DPP10: variants seen among roughly 807,000 people sequenced by gnomAD.
DPP10 encodes dipeptidyl peptidase like 10.
In DPP10, 33 loss-of-function variants were observed where a neutral mutation model predicts 120.9. That is an observed-to-expected ratio of 0.27 (90% confidence interval 0.21 to 0.37). DPP10 has a LOEUF of 0.37. Among genes scored for constraint, DPP10 ranks in the 10% least tolerant of loss-of-function variants. The pLI is 1.00. For synonymous variants in DPP10, 337 were observed against 326.1 expected (o/e 1.03, Z -0.36); for missense variants, 816 against 942.8 (o/e 0.87, Z 1.76).
intron 5 of DPP10, among the ~76,000 whole-genome samples, chr2:115,545,947 C>T (rs1388175736): frequency 6.6e-6 from 1 of 152,032 alleles, no homozygotes; most frequent in Non-Finnish European, 1.5e-5. Flanking sequence ...TGTTTTCATC[C>T]TTGATGCTCA....
intron 5 of DPP10, among the ~76,000 whole-genome samples, chr2:115,614,034 G>A (rs897498155): frequency 6.6e-6 from 1 of 152,132 alleles, no homozygotes; most frequent in African/African-American, 2.4e-5. Flanking sequence ...TGCTGATGGA[G>A]AGATCCAAAA....
intron 1 of DPP10, among the ~76,000 whole-genome samples, chr2:114,499,267 G>A (rs1391384908): frequency 6.6e-6 from 1 of 152,170 alleles, no homozygotes; most frequent in Non-Finnish European, 1.5e-5. Context: ...CCTCATGCAT[G>A]TGTAATCCAG....
chr2:114,808,146 T>TTTGATGA (rs2106311344), intron 1 of DPP10, among the ~76,000 whole-genome samples: 1 of 152,264 alleles, frequency 6.6e-6, no homozygotes, highest in Admixed American at 6.5e-5. Flanking sequence ...TTCACCAAAT[T>TTTGATGA]TTGATGATTA....
intron 1 of DPP10, among the ~76,000 whole-genome samples, chr2:114,862,368 C>T (rs761594122): frequency 5.3e-5 from 8 of 152,098 alleles, no homozygotes; most frequent in Non-Finnish European, 8.8e-5. Context: ...TTGCATTTTG[C>T]TATTTCCTTC....
chr2:114,462,696 C>T (rs923997827), intron 1 of DPP10, among the ~76,000 whole-genome samples: 20 of 152,196 alleles, frequency 1.3e-4, no homozygotes, highest in African/African-American at 4.3e-4. Flanking sequence ...CACTATAAAA[C>T]GCTCTTCCCC....
intron 1 of DPP10, among the ~76,000 whole-genome samples, chr2:114,735,933 C>T (rs1259768062): frequency 6.6e-6 from 1 of 152,064 alleles, no homozygotes; most frequent in Non-Finnish European, 1.5e-5. Context: ...ATATTTGTTT[C>T]TTCACTACTA....
At chr2:115,644,833 T>A (rs528373265) in intron 5 of DPP10, among the ~76,000 whole-genome samples, 17 of 152,076 alleles carry the variant, frequency 1.1e-4, no homozygotes, top group Non-Finnish European at 2.2e-4. Flanking sequence ...TTGGTGTGGG[T>A]GGAGTTAACA....
intron 5 of DPP10, among the ~76,000 whole-genome samples, chr2:115,687,919 T>C (rs1485553639): frequency 6.6e-6 from 1 of 151,722 alleles, no homozygotes; most frequent in East Asian, 1.9e-4. Context: ...GACTCAAAGA[T>C]AGGATGAATA....
At chr2:114,619,927 A>G (rs1382846354) in intron 1 of DPP10, among the ~76,000 whole-genome samples, 1 of 151,964 alleles carries the variant, frequency 6.6e-6, no homozygotes, top group African/African-American at 2.4e-5. Context: ...TAAAATTTGA[A>G]CTAGCTTTCT....
At chr2:115,415,399 C>T (rs1479080693) in intron 3 of DPP10, among the ~76,000 whole-genome samples, 1 of 152,128 alleles carries the variant, frequency 6.6e-6, no homozygotes, top group Non-Finnish European at 1.5e-5. Context: ...CATTCATGCC[C>T]ATGTGCATCA....
chr2:114,576,670 C>G (rs1690073378), intron 1 of DPP10, among the ~76,000 whole-genome samples: 2 of 152,126 alleles, frequency 1.3e-5, no homozygotes, highest in South Asian at 4.1e-4. Flanking sequence ...CAAACAAAAA[C>G]TAGCCCACAG....
chr2:115,584,749 A>G (rs2082188872), intron 5 of DPP10, among the ~76,000 whole-genome samples: 1 of 152,110 alleles, frequency 6.6e-6, no homozygotes, highest in Non-Finnish European at 1.5e-5. Context: ...GAGGGATTAC[A>G]ATTCTGAGCC....
intron 1 of DPP10, among the ~76,000 whole-genome samples, chr2:114,578,672 T>A (rs1263210984): frequency 6.6e-6 from 1 of 152,166 alleles, no homozygotes; most frequent in Non-Finnish European, 1.5e-5. Flanking sequence ...CTCATAGAGA[T>A]CAATTATAAA....
At chr2:114,908,575 C>A (rs918466368) in intron 1 of DPP10, among the ~76,000 whole-genome samples, 1 of 151,624 alleles carries the variant, frequency 6.6e-6, no homozygotes, top group Non-Finnish European at 1.5e-5. Flanking sequence ...AGCTCTATTC[C>A]TTCTTTCTTC....
At chr2:115,662,028 C>T (rs2089023389) in intron 5 of DPP10, among the ~76,000 whole-genome samples, 1 of 152,100 alleles carries the variant, frequency 6.6e-6, no homozygotes. Flanking sequence ...ATTTCCCCCT[C>T]CCCTCAGCTC....
chr2:115,839,593 G>A (rs1689875865), intron 24 of DPP10, among the ~76,000 whole-genome samples: 1 of 147,372 alleles, frequency 6.8e-6, no homozygotes, highest in Admixed American at 6.9e-5. Context: ...AGAACTGTTT[G>A]AACCTGGGAG....
At chr2:114,449,912 T>C (rs1243134596) in intron 1 of DPP10, among the ~76,000 whole-genome samples, 1 of 152,132 alleles carries the variant, frequency 6.6e-6, no homozygotes, top group African/African-American at 2.4e-5. Flanking sequence ...TATCTTCTAA[T>C]ATTGTAGTAA....
chr2:115,049,433 A>G (rs530777716), intron 1 of DPP10, among the ~76,000 whole-genome samples: 3 of 152,252 alleles, frequency 2.0e-5, no homozygotes, highest in Non-Finnish European at 4.4e-5. Flanking sequence ...GATCTACTTT[A>G]TAGCCTTTCA....
At chr2:115,498,539 T>C (rs999598022) in intron 3 of DPP10, among the ~76,000 whole-genome samples, 1 of 151,762 alleles carries the variant, frequency 6.6e-6, no homozygotes, top group Non-Finnish European at 1.5e-5. Flanking sequence ...TCCATTAATA[T>C]CACCTTTCTT....
Sources: gnomAD v4.1 joint callset for allele counts (sites outside exome capture counted in the v4.1 genomes callset) on GRCh38, gnomAD v4.1.1 for gene constraint, MANE v1.5 for transcripts, NCBI Gene and HGNC (gene_info 2026-07-23, HGNC 2026-07-21) for gene names.